AFM: variants seen among roughly 807,000 people sequenced by gnomAD.
The protein encoded by AFM is alpha-Alb.
Under a neutral mutation model 68.7 loss-of-function variants are expected in AFM, and 82 were observed. That is an observed-to-expected ratio of 1.19 (90% CI 1.00 to 1.43). AFM has a LOEUF of 1.43. AFM is among the 40% of genes most tolerant of loss of function. AFM has a pLI of 0.00. For missense variants in AFM, 772 were observed against 701.8 expected (o/e 1.10, Z -1.13); for synonymous variants, 250 against 234.2 (o/e 1.07, Z -0.61).
In AFM at chr4:73,486,019, A is replaced by T; in HGVS notation, c.428A>T (p.Asp143Val). The T allele has an allele frequency of 6.2e-7, 1 of 1,614,104 alleles. No individual in the cohort carries two copies. The highest frequency in any genetic ancestry group is 8.5e-7 in the Non-Finnish European group (1 of 1,179,966). Residue 143 changes from aspartate (D) to valine (V), a missense_variant, in exon 4 of 15, where the codon GAT (aspartate) becomes GTT (valine). Coordinates refer to ENST00000226355, the MANE Select transcript of AFM (RefSeq NM_001133.2). ...VGFLPPFPTL[D>V]PEEKCQAYES... ...TTTCTGCCTCCTTTCCCTACCCTGGATCCCGAAGAGAAATGCCAGGCTTAT... is the reference window on the plus strand; with the variant it reads ...TTTCTGCCTCCTTTCCCTACCCTGGTTCCCGAAGAGAAATGCCAGGCTTAT...
intron 1 of AFM, among the ~76,000 whole-genome samples, chr4:73,482,890 T>A (rs1720754118): frequency 6.6e-6 from 1 of 152,154 alleles, no homozygotes; most frequent in Admixed American, 6.6e-5. Context: ...TGTATAGAAA[T>A]GATCAGATTA....
At chr4:73,492,876 T>TG (rs565861252) in intron 8 of AFM, among the ~76,000 whole-genome samples, 132 of 151,724 alleles carry the variant, frequency 8.7e-4, no homozygotes, top group Admixed American at 3.4e-3. Context: ...TGTTTTTTTT[T>TG]TTGTTGTTGT....
chr4:73,500,174 TC>T lies in AFM; in HGVS notation c.1594del (p.His532ThrfsTer23), dbSNP rs1403748700. The T allele has an allele frequency of 3.7e-6, 6 of 1,613,784 alleles. No individual in the cohort carries two copies. The highest frequency in any genetic ancestry group is 5.1e-6 in the Non-Finnish European group (6 of 1,179,944). On this transcript the variant is annotated frameshift_variant, in exon 12 of 15. Transcript: ENST00000226355. LOFTEE classifies it high-confidence loss of function. ...PPFSQDLFTF[H>X]ADMCQSQNEE... Reference sequence around the variant, plus strand: ...CTTTCTCTCAAGATTTATTTACCTTTCACGCAGACATGTGTCAATCTCAGAA... The same window carrying T: ...CTTTCTCTCAAGATTTATTTACCTTTACGCAGACATGTGTCAATCTCAGAA...
intron 9 of AFM, among the ~76,000 whole-genome samples, chr4:73,496,990 T>C (rs974853791): frequency 6.6e-6 from 1 of 152,146 alleles, no homozygotes; most frequent in African/African-American, 2.4e-5. Context: ...AATGAGGTAG[T>C]CTGTTTCTGA....
At chr4:73,495,937 T>C (rs1245747261) in intron 9 of AFM, among the ~76,000 whole-genome samples, 1 of 152,236 alleles carries the variant, frequency 6.6e-6, no homozygotes, top group African/African-American at 2.4e-5. Flanking sequence ...CTTCAGTACA[T>C]ATACGTATAT....
chr4:73,503,255 T>C, intron 14 of AFM, 145 bp downstream of exon 14: 1 of 643,300 alleles, frequency 1.6e-6, no homozygotes, highest in South Asian at 2.2e-5. Context: ...ACCCCGATAT[T>C]GTTCCTGTGT....
At chr4:73,489,402 A>T (rs1207826130) in intron 7 of AFM, among the ~76,000 whole-genome samples, 1 of 152,128 alleles carries the variant, frequency 6.6e-6, no homozygotes, top group East Asian at 1.9e-4. Context: ...ATAACATGTT[A>T]TATATGCATA....
intron 1 of AFM, among the ~76,000 whole-genome samples, chr4:73,482,356 C>CT (rs945316984): frequency 6.6e-6 from 1 of 152,186 alleles, no homozygotes; most frequent in Non-Finnish European, 1.5e-5. Flanking sequence ...GAAGGGATGA[C>CT]TTTTTTTATT....
intron 12 of AFM, 23 bp downstream of exon 12, chr4:73,500,250 T>A: frequency 6.4e-7 from 1 of 1,572,124 alleles, no homozygotes; most frequent in Non-Finnish European, 8.7e-7. Flanking sequence ...TCTTCCATTC[T>A]TCTTTTTCTT....
Position 73,481,764 on chromosome 4 carries a change from GT to G in AFM, c.-9del. On this transcript the variant is annotated 5_prime_UTR_variant, in exon 1 of 15. Transcript: ENST00000226355. Reference sequence around the variant, plus strand: ...AACATTACTTTCTTTTGTAAATGTGGTTTCTACAAAGATGAAACTACTAAAA... The same window carrying G: ...AACATTACTTTCTTTTGTAAATGTGGTTCTACAAAGATGAAACTACTAAAA... 1 of 1,488,856 alleles carries G rather than the reference GT, an allele frequency of 6.7e-7. No individual in the cohort carries two copies. The highest frequency in any genetic ancestry group is 9.2e-7 in the Non-Finnish European group (1 of 1,082,756). 92.2% of individuals were successfully genotyped at this position (1,488,856 alleles called of 1,614,324 possible).
chr4:73,501,757 T>G (rs763040662), intron 12 of AFM, 30 bp from the exon 13 acceptor site: 1 of 1,599,918 alleles, frequency 6.3e-7, no homozygotes, highest in African/African-American at 1.3e-5. Context: ...AAAGCGTTAA[T>G]TAATTTTATT....
intron 4 of AFM, 93 bp downstream of exon 4, chr4:73,486,166 T>A: frequency 9.8e-7 from 1 of 1,025,216 alleles, no homozygotes; most frequent in South Asian, 1.6e-5. Context: ...CTGGGTTCAT[T>A]AATTTATTGA....
intron 4 of AFM, 140 bp from the exon 5 acceptor site, chr4:73,486,827 G>T (rs1720913442): frequency 2.2e-5 from 18 of 823,432 alleles, no homozygotes; most frequent in Non-Finnish European, 3.0e-5. Context: ...TTTACAACTT[G>T]CTCTTCTTGT....
chr4:73,486,577 T>A (rs571677669), intron 4 of AFM, among the ~76,000 whole-genome samples: 1 of 151,824 alleles, frequency 6.6e-6, no homozygotes, highest in African/African-American at 2.4e-5. Context: ...TCAGATAGAG[T>A]GTGTATAGAT....
chr4:73,486,208 G>A, intron 4 of AFM, 135 bp downstream of exon 4: 2 of 776,426 alleles, frequency 2.6e-6, no homozygotes, highest in Non-Finnish European at 2.1e-6. Context: ...AACATACTGT[G>A]TGTCAGATAC....
At chr4:73,486,244 A>G (rs764328813) in intron 4 of AFM, among the ~76,000 whole-genome samples, 171 bp downstream of exon 4, 2 of 152,198 alleles carry the variant, frequency 1.3e-5, no homozygotes, top group African/African-American at 4.8e-5. Flanking sequence ...GGATATAACT[A>G]TGATCAAGAT....
At chr4:73,500,386 A>ATT (rs397993993) in intron 12 of AFM, among the ~76,000 whole-genome samples, 159 bp downstream of exon 12, 5,932 of 149,936 alleles carry the variant, frequency 0.04, 174 homozygotes, top group African/African-American at 0.072. Context: ...ACAAGTGCAT[A>ATT]TTTTTTTTTT....
chr4:73,494,692 T>G (rs941261734), intron 8 of AFM, among the ~76,000 whole-genome samples: 1 of 152,354 alleles, frequency 6.6e-6, no homozygotes, highest in East Asian at 1.9e-4. Flanking sequence ...GCCTAGCACC[T>G]ACTAAGGGCT....
chr4:73,486,125 T>G (rs1720896394), intron 4 of AFM, 52 bp downstream of exon 4: 6 of 1,410,642 alleles, frequency 4.3e-6, no homozygotes, highest in Non-Finnish European at 5.0e-6. Context: ...AGTCTTAGGC[T>G]GAATCTAATA....
Sources: allele counts gnomAD v4.1 joint callset (sites outside exome capture counted in the v4.1 genomes callset), GRCh38; gene constraint gnomAD v4.1.1; transcripts MANE v1.5; gene names NCBI Gene and HGNC (gene_info 2026-07-23, HGNC 2026-07-21).